The following CADPS2 variants were observed in gnomAD, a reference collection of about 807,000 sequenced individuals.
CADPS2 encodes calcium dependent secretion activator 2, also known as calcium-dependent secretion activator 2.
CADPS2 carries 93 observed loss-of-function variants against 172.5 expected under a neutral mutation model. The observed-to-expected ratio is 0.54, with a 90% CI of 0.46 to 0.64. CADPS2 has a LOEUF of 0.64. Ranked by LOEUF, CADPS2 falls within the 30% of genes least tolerant of loss-of-function variation. The pLI is 0.00. For synonymous variants in CADPS2, 546 were observed against 555.2 expected (o/e 0.98, Z 0.23); for missense variants, 1,420 against 1,565.9 (o/e 0.91, Z 1.57).
At chr7:122,322,508 G>A (rs1362154740) in intron 29 of CADPS2, among the ~76,000 whole-genome samples, 1 of 152,162 alleles carries the variant, frequency 6.6e-6, no homozygotes, top group Non-Finnish European at 1.5e-5. Flanking sequence ...GTTGGCTCTT[G>A]CTTAAGACAA....
intron 27 of CADPS2, among the ~76,000 whole-genome samples, chr7:122,356,840 A>G (rs1367904818): frequency 6.6e-6 from 1 of 151,890 alleles, no homozygotes; most frequent in Non-Finnish European, 1.5e-5. Flanking sequence ...TTTTGTGAAC[A>G]TCTCCTTTCT....
intron 1 of CADPS2, among the ~76,000 whole-genome samples, chr7:122,803,994 A>AAAAAAAAAAAC (rs1798249174): frequency 6.8e-6 from 1 of 148,096 alleles, no homozygotes; most frequent in African/African-American, 2.5e-5. Context: ...AAAAAAAAAA[A>AAAAAAAAAAAC]AAAACACTGC....
intron 1 of CADPS2, among the ~76,000 whole-genome samples, chr7:122,760,931 G>GA (rs779351951): frequency 6.6e-6 from 1 of 152,002 alleles, no homozygotes; most frequent in Non-Finnish European, 1.5e-5. Flanking sequence ...CCTGCACGTT[G>GA]TGCACATGTA....
At chr7:122,590,478 T>C in intron 6 of CADPS2, among the ~76,000 whole-genome samples, 1 of 151,920 alleles carries the variant, frequency 6.6e-6, no homozygotes, top group East Asian at 1.9e-4. Flanking sequence ...ACTTAAGACA[T>C]TCCCCTTGTA....
intron 27 of CADPS2, among the ~76,000 whole-genome samples, chr7:122,352,438 T>C (rs1221322711): frequency 6.6e-6 from 1 of 152,230 alleles, no homozygotes; most frequent in African/African-American, 2.4e-5. Context: ...AAGTGACGAC[T>C]CAGGGTGCTA....
chr7:122,332,130 A>T (rs1223454552), intron 28 of CADPS2: 1 of 152,200 alleles, frequency 6.6e-6, no homozygotes, highest in Non-Finnish European at 1.5e-5. Context: ...CTAAAGGTTA[A>T]ATGTATCTGT....
intron 1 of CADPS2, among the ~76,000 whole-genome samples, chr7:122,825,861 C>T (rs1012569898): frequency 2.0e-5 from 3 of 152,152 alleles, no homozygotes; most frequent in African/African-American, 4.8e-5. Context: ...AGTTTGCCCA[C>T]GTCCCCTCCA....
intron 1 of CADPS2, among the ~76,000 whole-genome samples, chr7:122,764,314 A>C (rs2093480125): frequency 6.6e-6 from 1 of 152,162 alleles, no homozygotes; most frequent in Non-Finnish European, 1.5e-5. Context: ...ACTTGAAAAT[A>C]AGATGTTCAT....
chr7:122,768,991 G>C (rs1234195446), intron 1 of CADPS2, among the ~76,000 whole-genome samples: 1 of 151,466 alleles, frequency 6.6e-6, no homozygotes, highest in South Asian at 2.1e-4. Flanking sequence ...ACAGCTGTCA[G>C]ATCTATATTT....
chr7:122,334,321 G>T (rs2035499547), intron 28 of CADPS2, among the ~76,000 whole-genome samples: 2 of 152,204 alleles, frequency 1.3e-5, no homozygotes, highest in South Asian at 2.1e-4. Flanking sequence ...CATATGCTCA[G>T]GTCTATTGGT....
intron 25 of CADPS2, among the ~76,000 whole-genome samples, chr7:122,375,938 C>T (rs1200675325): frequency 6.6e-6 from 1 of 151,744 alleles, no homozygotes; most frequent in Non-Finnish European, 1.5e-5. Flanking sequence ...CAAAGCACTA[C>T]ATCTCTAATG....
At position 122,444,174 on chromosome 7, in the gene CADPS2, T is replaced by C. The variant is rs1586099465; in HGVS notation, c.2289-2599A>G. On this transcript the variant is annotated intron_variant, in intron 15 of 29. Transcript: ENST00000449022. ...GAGTTCATTCCTTTTTATTGGTGGG[T>C]AGTATTCCATTGCATGGCATACACT... is the stretch of plus-strand genomic sequence containing the variant. 2.0e-5 allele frequency among the ~76,000 whole-genome samples: 3 copies of C among 152,178 alleles called. No individual in the cohort carries two copies. The East Asian group carries it at 5.8e-4, about 29-fold the overall frequency.
Position 122,345,530 on chromosome 7 carries a change from G to A in CADPS2, c.3612+44C>T, listed in dbSNP as rs764619203. On this transcript the variant is annotated intron_variant, in intron 28 of 29. Transcript: ENST00000449022. ...TCAAAATTCAACTTTTCTCTTTGCAGTTTATCTATGGTGTCAGCATACCTT... is the reference window on the plus strand; with the variant it reads ...TCAAAATTCAACTTTTCTCTTTGCAATTTATCTATGGTGTCAGCATACCTT... 8.6e-6 allele frequency: 10 copies of A among 1,169,372 alleles called. No homozygotes were observed. In the South Asian group the frequency reaches 1.0e-4, roughly 12 times the overall value. 72.4% of individuals were successfully genotyped at this position (1,169,372 alleles called of 1,614,324 possible). A position where few individuals can be genotyped will look rare whatever the true frequency, so the allele number is the denominator to read the frequency against.
chr7:122,750,975 AT>A (rs1588975897), intron 1 of CADPS2, among the ~76,000 whole-genome samples: 2 of 151,944 alleles, frequency 1.3e-5, no homozygotes, highest in Non-Finnish European at 2.9e-5. Flanking sequence ...AACCCCTAAA[AT>A]TTTTTTTGGA....
At chr7:122,447,747 T>G (rs1301865959) in intron 15 of CADPS2, among the ~76,000 whole-genome samples, 1 of 151,302 alleles carries the variant, frequency 6.6e-6, no homozygotes, top group African/African-American at 2.4e-5. Context: ...GAAACAGGGT[T>G]TTACCATGTT....
chr7:122,701,801 TG>T, intron 2 of CADPS2: 1 of 1,351,206 alleles, frequency 7.4e-7, no homozygotes, highest in Non-Finnish European at 1.0e-6. Context: ...TGGAAAGATC[TG>T]GTTACATCTT....
At chr7:122,341,054 G>A (rs1351298200) in intron 28 of CADPS2, among the ~76,000 whole-genome samples, 2 of 152,172 alleles carry the variant, frequency 1.3e-5, no homozygotes, top group South Asian at 2.1e-4. Flanking sequence ...CAGTGGTCAC[G>A]TGAGAGGCAG....
Position 122,345,642 on chromosome 7 carries a change from C to A in CADPS2, c.3544G>T (p.Val1182Phe). ...CGAAGAATATCTTGGTTTTGCCGAA[C>A]AAACATAATATAGGTGTCTGCCAGA... ...MDLADTYIMF[V>F]RQNQDILREK... is the part of the protein sequence containing the mutation. Residue 1182 changes from valine to phenylalanine, a missense_variant, in exon 28 of 30, where the codon GTT becomes TTT. By Grantham distance (50) the Val-to-Phe change is conservative. Transcript: ENST00000449022. The A allele has an allele frequency of 6.2e-7, 1 of 1,613,332 alleles. No individual in the cohort carries two copies. The highest frequency in any genetic ancestry group is 8.5e-7 in the Non-Finnish European group (1 of 1,179,508).
chr7:122,882,384 T>C (rs1424288283), intron 1 of CADPS2, among the ~76,000 whole-genome samples: 2 of 152,120 alleles, frequency 1.3e-5, no homozygotes, highest in African/African-American at 2.4e-5. Flanking sequence ...AATACCCTCT[T>C]ATTTCTAGTT....
Sources: allele counts gnomAD v4.1 joint callset (sites outside exome capture counted in the v4.1 genomes callset), GRCh38; gene constraint gnomAD v4.1.1; transcripts MANE v1.5; gene names NCBI Gene and HGNC (gene_info 2026-07-23, HGNC 2026-07-21).